HDAC9: variants seen among roughly 807,000 people sequenced by gnomAD.
HDAC9 encodes histone deacetylase 9.
Under a neutral mutation model 139.4 loss-of-function variants are expected in HDAC9, and 41 were observed. The observed-to-expected ratio is 0.29, with a 90% confidence interval of 0.23 to 0.38. HDAC9 has a LOEUF of 0.38. Ranked by LOEUF, HDAC9 falls within the 10% of genes least tolerant of loss-of-function variation. The probability of loss-of-function intolerance (pLI) is 1.00; values close to 1 mark genes in which losing one functional copy is unlikely to be tolerated. For synonymous variants in HDAC9, 517 were observed against 476.2 expected (o/e 1.09, Z -1.12); for missense variants, 1,147 against 1,297.0 (o/e 0.88, Z 1.78).
At chr7:18,467,338 T>G (rs978182154) in intron 1 of HDAC9, among the ~76,000 whole-genome samples, 2 of 152,176 alleles carry the variant, frequency 1.3e-5, no homozygotes, top group East Asian at 3.9e-4. Context: ...AACTATCCTT[T>G]GAATGTTTCC....
chr7:18,739,857 T>C (rs6950420), intron 13 of HDAC9, among the ~76,000 whole-genome samples: 2,829 of 152,322 alleles, frequency 0.019, 89 homozygotes, highest in African/African-American at 0.065. Context: ...TTTGTTCAGC[T>C]ATGCCCTGCC....
intron 17 of HDAC9, among the ~76,000 whole-genome samples, chr7:18,815,857 C>A (rs1270641493): frequency 6.6e-6 from 1 of 152,342 alleles, no homozygotes; most frequent in East Asian, 1.9e-4. Context: ...ATCCCTACTT[C>A]CCTGAATCTC....
At chr7:18,955,840 A>G (rs562088609) in intron 24 of HDAC9, among the ~76,000 whole-genome samples, 36 of 152,282 alleles carry the variant, frequency 2.4e-4, no homozygotes, top group African/African-American at 6.3e-4. Context: ...AGGGCTGAAC[A>G]GCATGTTGAA....
chr7:18,621,444 T>C (rs775302614), intron 6 of HDAC9, among the ~76,000 whole-genome samples: 10 of 152,168 alleles, frequency 6.6e-5, no homozygotes, highest in Non-Finnish European at 1.5e-4. Context: ...TTTACAAATA[T>C]GGATTTTGAA....
chr7:18,260,863 T>A (rs1209315041), intron 2 of HDAC9, among the ~76,000 whole-genome samples: 1 of 152,020 alleles, frequency 6.6e-6, no homozygotes, highest in Non-Finnish European at 1.5e-5. Context: ...CTGACTTTGG[T>A]GGAATGGTCA....
At chr7:18,163,349 T>A (rs1031782264) in intron 2 of HDAC9, among the ~76,000 whole-genome samples, 2 of 152,222 alleles carry the variant, frequency 1.3e-5, no homozygotes, top group East Asian at 3.8e-4. Context: ...GGCATGTCAC[T>A]AGGTTAGGCA....
At chr7:18,429,427 AT>A (rs1370369440) in intron 1 of HDAC9, 2 of 152,098 alleles carry the variant, frequency 1.3e-5, no homozygotes, top group East Asian at 3.9e-4. Context: ...TTAGCTGTAA[AT>A]GTAATACTCC....
At chr7:18,542,901 T>A (rs1227360651) in intron 2 of HDAC9, among the ~76,000 whole-genome samples, 1 of 152,148 alleles carries the variant, frequency 6.6e-6, no homozygotes, top group Non-Finnish European at 1.5e-5. Flanking sequence ...ATGGCAAAAT[T>A]AGAAGCTACC....
intron 6 of HDAC9, among the ~76,000 whole-genome samples, chr7:18,618,732 A>G (rs907370206): frequency 6.1e-4 from 19 of 31,048 alleles, no homozygotes; most frequent in African/African-American, 3.7e-3. Flanking sequence ...TTTTGTATAT[A>G]TATATATATA....
At chr7:18,355,964 G>A (rs1783228282) in intron 1 of HDAC9, among the ~76,000 whole-genome samples, 1 of 152,112 alleles carries the variant, frequency 6.6e-6, no homozygotes, top group Non-Finnish European at 1.5e-5. Context: ...TACTGCAAGC[G>A]ATTGAAATGT....
At chr7:18,807,354 A>G (rs1793794719) in intron 17 of HDAC9, among the ~76,000 whole-genome samples, 1 of 152,122 alleles carries the variant, frequency 6.6e-6, no homozygotes, top group East Asian at 1.9e-4. Context: ...TAATCTAGTC[A>G]AAGGATTGTC....
chr7:18,739,037 T>C (rs1305906958), intron 13 of HDAC9, among the ~76,000 whole-genome samples: 1 of 152,230 alleles, frequency 6.6e-6, no homozygotes, highest in Non-Finnish European at 1.5e-5. Context: ...TTCCCTTTCT[T>C]CCACTTGATC....
At chr7:18,393,816 G>A (rs984379952) in intron 1 of HDAC9, among the ~76,000 whole-genome samples, 4 of 152,126 alleles carry the variant, frequency 2.6e-5, no homozygotes, top group Non-Finnish European at 5.9e-5. Flanking sequence ...TCTTGGTTAT[G>A]GGAAATTGTT....
chr7:18,917,943 T>C (rs565666822), intron 22 of HDAC9, among the ~76,000 whole-genome samples: 1 of 152,078 alleles, frequency 6.6e-6, no homozygotes, highest in East Asian at 2.0e-4. Context: ...TCATTTGTCA[T>C]TGGGTAGTTT....
Position 18,648,645 on chromosome 7 carries a change from A to G in HDAC9, c.1429A>G (p.Lys477Glu). 1 of 1,613,192 alleles carries G rather than the reference A, an allele frequency of 6.2e-7. No homozygotes were observed. Among genetic ancestry groups the G allele is most frequent in the Non-Finnish European group, 8.5e-7 (1 of 1,179,546 alleles). ...IQQQHQQFLE[K>E]QKQYQQQIHM... ...ACAGCAACACCAGCAATTCTTGGAGAAGCAGAAGCAATACCAGCAGCAGAT... is the reference window on the plus strand; with the variant it reads ...ACAGCAACACCAGCAATTCTTGGAGGAGCAGAAGCAATACCAGCAGCAGAT... Residue 477 changes from lysine to glutamate, a missense_variant, in exon 11 of 26, where the codon AAG becomes GAG. Physicochemically the swap from Lys to Glu is moderately conservative, Grantham distance 56. Coordinates refer to ENST00000686413, the MANE Select transcript of HDAC9 (RefSeq NM_178425.4).
At chr7:18,892,358 TATC>T (rs1487651732) in intron 22 of HDAC9, among the ~76,000 whole-genome samples, 4 of 152,272 alleles carry the variant, frequency 2.6e-5, no homozygotes, top group Admixed American at 1.3e-4. Context: ...AGATAAACAA[TATC>T]AACATGATCC....
intron 24 of HDAC9, among the ~76,000 whole-genome samples, chr7:18,971,602 C>T (rs541885025): frequency 3.3e-5 from 5 of 152,288 alleles, no homozygotes; most frequent in South Asian, 4.1e-4. Flanking sequence ...ATTGCACAGA[C>T]GGTGCTGTAC....
At chr7:18,550,471 TCTA>T (rs1816758400) in intron 2 of HDAC9, among the ~76,000 whole-genome samples, 1 of 152,184 alleles carries the variant, frequency 6.6e-6, no homozygotes, top group African/African-American at 2.4e-5. Context: ...TTGCTGCTCT[TCTA>T]AAGCTTACAT....
At chr7:18,462,015 G>A (rs1365710640) in intron 1 of HDAC9, among the ~76,000 whole-genome samples, 1 of 151,772 alleles carries the variant, frequency 6.6e-6, no homozygotes, top group South Asian at 2.1e-4. Flanking sequence ...TTAGTAAATG[G>A]TTATGTTTTG....
Sources: allele counts gnomAD v4.1 joint callset (sites outside exome capture counted in the v4.1 genomes callset), GRCh38; gene constraint gnomAD v4.1.1; transcripts MANE v1.5; gene names NCBI Gene and HGNC (gene_info 2026-07-23, HGNC 2026-07-21).